Variants in ZNF106 observed in about 807,000 individuals in gnomAD.
The protein encoded by ZNF106 is zinc finger protein 106, also known as SH3-domain binding protein 3.
ZNF106 carries 67 observed loss-of-function variants against 195.1 expected under a neutral mutation model. The observed-to-expected ratio is 0.34, with a 90% CI of 0.28 to 0.42. The LOEUF is 0.42. Among genes scored for constraint, ZNF106 ranks in the 10% least tolerant of loss-of-function variants. ZNF106 has a pLI of 1.00. For missense variants in ZNF106, 2,118 were observed against 2,304.5 expected (o/e 0.92, Z 1.66); for synonymous variants, 784 against 818.6 (o/e 0.96, Z 0.72).
chr15:42,449,761 C>G lies in ZNF106; in HGVS notation c.2501+10G>C. 1 of 1,592,734 alleles carries G rather than the reference C, an allele frequency of 6.3e-7. No individual in the cohort carries two copies. The highest frequency in any genetic ancestry group is 1.1e-5 in the South Asian group (1 of 88,804). On this transcript the variant is annotated intron_variant, in intron 5 of 21. Coordinates refer to ENST00000564754, the MANE Select transcript of ZNF106 (RefSeq NM_001366845.3). ...TGAGGAAAAAAAAGACACCGAAAAG[C>G]AGCACACACCTGGGTAAGCCTTTGC...
chr15:42,422,055 A>G, intron 18 of ZNF106, 67 bp from the exon 19 acceptor site: 1 of 1,413,608 alleles, frequency 7.1e-7, no homozygotes, highest in South Asian at 1.4e-5. Flanking sequence ...TACAGTCCCT[A>G]AAGGCCTTTG....
In ZNF106 at chr15:42,464,522, CTTTTTTTTT is replaced by C. The variant is rs928173954; in HGVS notation, c.116+1522_116+1530del. On this transcript the variant is annotated intron_variant, in intron 3 of 21. Transcript: ENST00000564754. ...AAAGACATGGAATATACACATGCTACTTTTTTTTTTTTTTTTTTTTTTTTGATACAGGGT... is the reference window on the plus strand; with the variant it reads ...AAAGACATGGAATATACACATGCTACTTTTTTTTTTTTTTTGATACAGGGT... 1.5e-4 allele frequency among the ~76,000 whole-genome samples: 17 copies of C among 113,484 alleles called. 2 individuals are homozygous for C. In the South Asian group the frequency reaches 4.1e-3, roughly 27 times the overall value. 74.4% of individuals were successfully genotyped at this position (113,484 alleles called of 152,430 possible).
rs1466584393 is a variant in ZNF106 at position 42,414,920 on chromosome 15, G to C, written c.*2384C>G. ...TATAGGAAATAGGGGTGAGAGGTGG[G>C]AAAAGCTTCTCAATCTCATACAGAA... On this transcript the variant is annotated 3_prime_UTR_variant, in exon 22 of 22. Coordinates refer to ENST00000564754, the MANE Select transcript of ZNF106 (RefSeq NM_001366845.3). The C allele has an allele frequency of 2.6e-5, 4 of 152,168 alleles. No individual in the cohort carries two copies. Among genetic ancestry groups the C allele is most frequent in the Admixed American group, 2.6e-4 (4 of 15,282 alleles). The allele number at this position is 152,168 out of a possible 1,614,324, so 9.4% of individuals were successfully genotyped here.
chr15:42,488,381 T>A (rs2141471854), intron 1 of ZNF106, among the ~76,000 whole-genome samples: 1 of 152,276 alleles, frequency 6.6e-6, no homozygotes, highest in South Asian at 2.1e-4. Context: ...ATTTAACCAA[T>A]CCTTCACTGA....
intron 2 of ZNF106, among the ~76,000 whole-genome samples, chr15:42,469,836 T>A: frequency 1.5e-5 from 2 of 132,416 alleles, no homozygotes; most frequent in South Asian, 2.3e-4. Flanking sequence ...AGACCCTGTC[T>A]CAAAATGAAA....
At chr15:42,462,501 G>A (rs748714573) in intron 3 of ZNF106, among the ~76,000 whole-genome samples, 2 of 152,088 alleles carry the variant, frequency 1.3e-5, no homozygotes, top group Non-Finnish European at 2.9e-5. Flanking sequence ...GGGAGGCTCA[G>A]GCAGGAGAAT....
chr15:42,444,347 C>CCAAAAAT, intron 8 of ZNF106, 85 bp from the exon 9 acceptor site: 1 of 1,078,074 alleles, frequency 9.3e-7, no homozygotes, highest in South Asian at 1.4e-5. Context: ...TATGTCCTGA[C>CCAAAAAT]CAAAAATCAG....
At position 42,450,948 on chromosome 15, in the gene ZNF106, A is replaced by C; in HGVS notation, c.1324T>G (p.Ser442Ala). 1 of 1,614,180 alleles carries C rather than the reference A, an allele frequency of 6.2e-7. No homozygotes were observed. ...IHTGSLNHKA[S>A]SDSAASFEVV... ...TCGAAGGAAGCAGCGGAATCAGAAG[A>C]GGCCTTGTGATTAAGAGATCCAGTA... The change falls in exon 5 of 22, where the codon TCT becomes GCT. Residue 442 changes from serine to alanine, a missense_variant. Physicochemically the swap from Ser to Ala is moderately conservative, Grantham distance 99. Coordinates refer to ENST00000564754, the MANE Select transcript of ZNF106 (RefSeq NM_001366845.3).
rs2141269364 is a variant in ZNF106 at position 42,424,881 on chromosome 15, G to A, written c.5143C>T (p.Leu1715Phe). 6.2e-7 allele frequency: 1 copy of A among 1,614,172 alleles called. No homozygotes were observed. The highest frequency in any genetic ancestry group is 8.5e-7 in the Non-Finnish European group (1 of 1,180,040). Reference sequence around the variant, plus strand: ...CTATGGCCCTCCAGAGTTCTGAGGAGCAGTCCATTCCGGGCATCGCGTACA... The same window carrying A: ...CTATGGCCCTCCAGAGTTCTGAGGAACAGTCCATTCCGGGCATCGCGTACA... ...ISVRDARNGL[L>F]LRTLEGHSKT... Residue 1715 changes from leucine (L) to phenylalanine (F), a missense_variant, in exon 16 of 22, where the codon CTC becomes TTC. Transcript: ENST00000564754.
chr15:42,422,418 C>T, intron 18 of ZNF106, 83 bp downstream of exon 18: 2 of 1,517,912 alleles, frequency 1.3e-6, no homozygotes, highest in South Asian at 1.3e-5. Flanking sequence ...TCCATCCCAC[C>T]TTACTGTATC....
intron 15 of ZNF106, among the ~76,000 whole-genome samples, chr15:42,426,344 C>G (rs548689711): frequency 6.6e-5 from 10 of 151,886 alleles, no homozygotes; most frequent in East Asian, 3.9e-4. Context: ...TTCTTGTCAT[C>G]ATCTCATCAT....
intron 15 of ZNF106, chr15:42,425,689 C>T (rs1399051589): frequency 1.3e-5 from 2 of 152,192 alleles, no homozygotes; most frequent in Non-Finnish European, 2.9e-5. Context: ...TTTGTAAAGA[C>T]AGGGTTTCAC....
At chr15:42,438,756 A>G in intron 11 of ZNF106, 89 bp from the exon 12 acceptor site, 1 of 1,215,380 alleles carries the variant, frequency 8.2e-7, no homozygotes, top group Non-Finnish European at 1.2e-6. Context: ...GGATTTTTCT[A>G]AACAATGGGC....
At position 42,451,550 on chromosome 15, in the gene ZNF106, A is replaced by C. The variant is rs1309500415; in HGVS notation, c.722T>G (p.Met241Arg). The change falls in exon 5 of 22, where the codon ATG becomes AGG. Residue 241 changes from methionine (M) to arginine (R), a missense_variant. Transcript: ENST00000564754. Reference sequence around the variant, plus strand: ...TTTCCAGTTTCCGTTACTGTTGTTCATATGCCAACTGGAAAAGCCACCTGT... The same window carrying C: ...TTTCCAGTTTCCGTTACTGTTGTTCCTATGCCAACTGGAAAAGCCACCTGT... The part of the protein sequence containing the change: ...EGTGGFSSWH[M>R]NNSNGNWKSS... The C allele has an allele frequency of 1.2e-6, 2 of 1,614,018 alleles. No homozygotes were observed. The highest frequency in any genetic ancestry group is 1.7e-6 in the Non-Finnish European group (2 of 1,180,042).
chr15:42,436,356 C>T lies in ZNF106; in HGVS notation c.4747-838G>A, dbSNP rs1021914735. On this transcript the variant is annotated intron_variant, in intron 13 of 21. Coordinates refer to ENST00000564754, the MANE Select transcript of ZNF106 (RefSeq NM_001366845.3). ...TACATACACATACATATTTTGATAT[C>T]CTGTTCCCCTAGATCTTACACTTAT... Among the ~76,000 whole-genome samples, 6 of 152,240 alleles carry T rather than the reference C, an allele frequency of 3.9e-5. No homozygotes were observed. The South Asian group carries it at 1.2e-3, about 32-fold the overall frequency.
chr15:42,417,287 G>C lies in ZNF106; in HGVS notation c.*17C>G, dbSNP rs116220592. The C allele has an allele frequency of 1.9e-6, 3 of 1,613,882 alleles. No homozygotes were observed. In the Middle Eastern group the frequency reaches 5.0e-4, roughly 266 times the overall value. ...ATAGTTCAACTAATGACTTCCCAACGTGGGAGGCAAAAAACTTCATGAATC... is the reference window on the plus strand; with the variant it reads ...ATAGTTCAACTAATGACTTCCCAACCTGGGAGGCAAAAAACTTCATGAATC... On this transcript the variant is annotated 3_prime_UTR_variant, in exon 22 of 22. Coordinates refer to ENST00000564754, the MANE Select transcript of ZNF106 (RefSeq NM_001366845.3).
At chr15:42,443,419 C>T (rs546502002) in intron 9 of ZNF106, among the ~76,000 whole-genome samples, 87 of 152,108 alleles carry the variant, frequency 5.7e-4, no homozygotes, top group Non-Finnish European at 1.0e-3. Context: ...ACTGCTTGAG[C>T]CCAGGAGTTT....
intron 3 of ZNF106, among the ~76,000 whole-genome samples, chr15:42,461,801 G>A (rs563619717): frequency 1.9e-4 from 29 of 152,266 alleles, no homozygotes; most frequent in African/African-American, 7.0e-4. Context: ...ATGAAATCCA[G>A]AGGAAATAAT....
At chr15:42,429,122 T>C (rs1376503059) in intron 14 of ZNF106, among the ~76,000 whole-genome samples, 9 of 151,500 alleles carry the variant, frequency 5.9e-5, no homozygotes, top group African/African-American at 2.2e-4. Context: ...GAACCAAGAA[T>C]TGGGACAGGA....
Sources: allele counts gnomAD v4.1 joint callset (sites outside exome capture counted in the v4.1 genomes callset), GRCh38; gene constraint gnomAD v4.1.1; transcripts MANE v1.5; gene names NCBI Gene and HGNC (gene_info 2026-07-23, HGNC 2026-07-21).